Variants in RNF220 observed in about 807,000 individuals in gnomAD.
RNF220 encodes E3 ubiquitin-protein ligase RNF220.
A neutral mutation model predicts 67.1 loss-of-function variants in RNF220; 7 were observed. The observed-to-expected ratio is 0.10, with a 90% CI of 0.06 to 0.20. The LOEUF (loss-of-function observed/expected upper bound fraction) is 0.20, where lower values mean the gene tolerates loss of function less well. Ranked by LOEUF, RNF220 falls within the 10% of genes least tolerant of loss-of-function variation. RNF220 has a pLI of 1.00. For missense variants in RNF220, 565 were observed against 740.3 expected (o/e 0.76, Z 2.75); for synonymous variants, 270 against 283.2 (o/e 0.95, Z 0.47).
chr1:44,638,805 G>A (rs1456739047), intron 8 of RNF220, among the ~76,000 whole-genome samples: 2 of 152,212 alleles, frequency 1.3e-5, no homozygotes, highest in Non-Finnish European at 2.9e-5. Flanking sequence ...AGCAGACAGA[G>A]CAGGTGAGCA....
At position 44,547,481 on chromosome 1, in the gene RNF220, T is replaced by C. The variant is rs115732953; in HGVS notation, c.626-66684T>C. On this transcript the variant is annotated intron_variant, in intron 2 of 14. Transcript: ENST00000361799. Reference sequence around the variant, plus strand: ...TGAAACACTTTTCTCTCTCGGCATCTCTCATACCACCTCCTGGTTCTCCTT... The same window carrying C: ...TGAAACACTTTTCTCTCTCGGCATCCCTCATACCACCTCCTGGTTCTCCTT... 5.6e-3 allele frequency among the ~76,000 whole-genome samples: 847 copies of C among 152,214 alleles called. 10 individuals carry two copies. Among genetic ancestry groups the C allele is most frequent in the African/African-American group, 0.019 (780 of 41,528 alleles).
intron 2 of RNF220, among the ~76,000 whole-genome samples, chr1:44,430,604 G>C (rs1650257392): frequency 6.6e-6 from 1 of 152,156 alleles, no homozygotes; most frequent in Non-Finnish European, 1.5e-5. Flanking sequence ...GGGGTGCAGT[G>C]GCATGATCTC....
At chr1:44,628,186 A>T (rs1644013421) in intron 5 of RNF220, among the ~76,000 whole-genome samples, 1 of 152,194 alleles carries the variant, frequency 6.6e-6, no homozygotes, top group African/African-American at 2.4e-5. Flanking sequence ...AGACAGCCCC[A>T]CCTTCAGAGG....
intron 5 of RNF220, among the ~76,000 whole-genome samples, chr1:44,629,627 C>T (rs1644056380): frequency 6.6e-6 from 1 of 152,048 alleles, no homozygotes; most frequent in African/African-American, 2.4e-5. Context: ...TGCTTGAGGC[C>T]AGGAGTTCAA....
intron 2 of RNF220, among the ~76,000 whole-genome samples, chr1:44,585,034 T>A (rs1012118159): frequency 6.6e-6 from 1 of 152,166 alleles, no homozygotes; most frequent in Admixed American, 6.5e-5. Context: ...GCCTGAGCTG[T>A]CACCATGCAT....
At chr1:44,613,284 G>T (rs1301874929) in intron 2 of RNF220, among the ~76,000 whole-genome samples, 2 of 149,254 alleles carry the variant, frequency 1.3e-5, no homozygotes, top group East Asian at 3.9e-4. Flanking sequence ...CCATGGATAT[G>T]CAGGGATGTT....
At chr1:44,519,351 T>C (rs540057444) in intron 2 of RNF220, among the ~76,000 whole-genome samples, 7 of 152,034 alleles carry the variant, frequency 4.6e-5, no homozygotes, top group African/African-American at 1.7e-4. Context: ...GAAAGGGAAA[T>C]GGATAAGAAA....
At chr1:44,637,190 T>C (rs1208570133) in intron 8 of RNF220, among the ~76,000 whole-genome samples, 4 of 152,234 alleles carry the variant, frequency 2.6e-5, no homozygotes, top group Non-Finnish European at 5.9e-5. Context: ...AGGAGTGGTC[T>C]CTGCAGGGCC....
intron 2 of RNF220, among the ~76,000 whole-genome samples, chr1:44,509,577 TAAAAG>T (rs1658768991): frequency 2.2e-5 from 3 of 136,242 alleles, no homozygotes; most frequent in East Asian, 2.2e-4. Flanking sequence ...AATAAATAAA[TAAAAG>T]AAAAGAAAAA....
intron 5 of RNF220, among the ~76,000 whole-genome samples, chr1:44,629,607 G>A (rs1013088181): frequency 1.3e-5 from 2 of 152,168 alleles, no homozygotes; most frequent in African/African-American, 2.4e-5. Flanking sequence ...GGAGGCCAAC[G>A]CAAGTGGACT....
chr1:44,602,522 G>T (rs1186632672), intron 2 of RNF220, among the ~76,000 whole-genome samples: 1 of 152,054 alleles, frequency 6.6e-6, no homozygotes, highest in Non-Finnish European at 1.5e-5. Context: ...ATGCTGGGAA[G>T]GTAGTGGAGA....
At chr1:44,643,945 C>T in intron 8 of RNF220, 1 of 153,300 alleles carries the variant, frequency 6.5e-6, no homozygotes, top group East Asian at 1.9e-4. Flanking sequence ...CCGTCTGTGG[C>T]TGTGCCAGAT....
intron 2 of RNF220, among the ~76,000 whole-genome samples, chr1:44,430,837 G>A (rs907947388): frequency 3.9e-5 from 6 of 152,254 alleles, no homozygotes; most frequent in Middle Eastern, 3.4e-3. Context: ...GAGCCACCAC[G>A]CCCAGCCACC....
At chr1:44,519,527 A>G (rs1339673146) in intron 2 of RNF220, among the ~76,000 whole-genome samples, 1 of 152,210 alleles carries the variant, frequency 6.6e-6, no homozygotes, top group Non-Finnish European at 1.5e-5. Flanking sequence ...AAAGCCAGAG[A>G]AAGGGTGTTC....
chr1:44,557,261 C>A (rs914676164), intron 2 of RNF220, among the ~76,000 whole-genome samples: 1 of 149,940 alleles, frequency 6.7e-6, no homozygotes, highest in African/African-American at 2.5e-5. Flanking sequence ...TGACTCACAC[C>A]TGTAATCCCA....
chr1:44,585,095 C>T (rs958689496), intron 2 of RNF220, among the ~76,000 whole-genome samples: 4 of 152,218 alleles, frequency 2.6e-5, no homozygotes, highest in African/African-American at 9.7e-5. Context: ...ACCAGGTCAC[C>T]TGGCTCTCCT....
chr1:44,611,023 A>G (rs1043242064), intron 2 of RNF220, among the ~76,000 whole-genome samples: 1 of 152,206 alleles, frequency 6.6e-6, no homozygotes, highest in Non-Finnish European at 1.5e-5. Context: ...GGATTTTGTC[A>G]TTAAACCTGG....
At chr1:44,506,468 G>T (rs1056692476) in intron 2 of RNF220, among the ~76,000 whole-genome samples, 5 of 152,238 alleles carry the variant, frequency 3.3e-5, no homozygotes, top group East Asian at 1.9e-4. Context: ...GGGCAGGGGT[G>T]GGGTGAGGGC....
chr1:44,518,889 C>CAAA (rs71036682), intron 2 of RNF220, among the ~76,000 whole-genome samples: 1 of 141,048 alleles, frequency 7.1e-6, no homozygotes, highest in African/African-American at 2.6e-5. Flanking sequence ...ACAAAAAAAA[C>CAAA]AAAAAAAAAA....
Sources: allele counts gnomAD v4.1 joint callset (sites outside exome capture counted in the v4.1 genomes callset), GRCh38; gene constraint gnomAD v4.1.1; transcripts MANE v1.5; gene names NCBI Gene and HGNC (gene_info 2026-07-23, HGNC 2026-07-21).